The following STAG1 variants were observed in gnomAD, a reference collection of about 807,000 sequenced individuals.
STAG1 encodes the protein STAG1 cohesin complex component, also known as cohesin subunit SA-1.
In STAG1, 26 loss-of-function variants were observed where a neutral mutation model predicts 170.9. The observed-to-expected ratio is 0.15, with a 90% CI of 0.11 to 0.21. The LOEUF is 0.21. STAG1 is among the 10% of genes least tolerant of loss of function. The pLI is 1.00. For synonymous variants in STAG1, 514 were observed against 497.7 expected, an observed-to-expected ratio of 1.03 and a Z score of -0.44; for missense variants, 964 against 1,509.5, an observed-to-expected ratio of 0.64 and a Z score of 5.99.
At chr3:136,724,158 A>G (rs1296533602) in intron 1 of STAG1, among the ~76,000 whole-genome samples, 23 of 150,506 alleles carry the variant, frequency 1.5e-4, no homozygotes, top group African/African-American at 4.9e-4. Context: ...TGTGGAATAG[A>G]GGAGGGGAGA....
chr3:136,366,176 G>C (rs1937067249), intron 25 of STAG1, among the ~76,000 whole-genome samples: 1 of 152,002 alleles, frequency 6.6e-6, no homozygotes, highest in Non-Finnish European at 1.5e-5. Flanking sequence ...TTTAATAGTT[G>C]TGTGTGACCT....
At chr3:136,472,113 A>C (rs957313809) in intron 12 of STAG1, among the ~76,000 whole-genome samples, 2 of 152,216 alleles carry the variant, frequency 1.3e-5, no homozygotes, top group Non-Finnish European at 2.9e-5. Context: ...CTGGGATTTT[A>C]GGCAGGAGCC....
At chr3:136,691,932 A>G (rs1056195702) in intron 1 of STAG1, among the ~76,000 whole-genome samples, 1 of 152,210 alleles carries the variant, frequency 6.6e-6, no homozygotes. Context: ...GTCCTGAGGC[A>G]TAAGTCTAAA....
At chr3:136,370,187 T>C (rs1937254285) in intron 23 of STAG1, among the ~76,000 whole-genome samples, 1 of 152,066 alleles carries the variant, frequency 6.6e-6, no homozygotes, top group African/African-American at 2.4e-5. Flanking sequence ...GGCAGGTCCT[T>C]CAGGAGGTAC....
intron 1 of STAG1, among the ~76,000 whole-genome samples, chr3:136,749,139 G>A (rs1000146663): frequency 2.0e-5 from 3 of 152,138 alleles, no homozygotes; most frequent in South Asian, 2.1e-4. Flanking sequence ...ATATCATTAC[G>A]GTGATTATAT....
intron 6 of STAG1, among the ~76,000 whole-genome samples, chr3:136,524,610 T>G (rs909403545): frequency 1.3e-5 from 2 of 152,220 alleles, no homozygotes; most frequent in Non-Finnish European, 2.9e-5. Context: ...CTGACTGCCC[T>G]GGCCAGAACT....
rs1935919124 is a variant in STAG1 at position 136,340,361 on chromosome 3, A to G, written c.3672+130T>C. The G allele has an allele frequency of 6.7e-6, 4 of 595,266 alleles. No individual in the cohort carries two copies. The South Asian group carries it at 7.7e-5, about 11-fold the overall frequency. The allele number at this position is 595,266 out of a possible 1,614,324, so 36.9% of individuals were successfully genotyped here. A position where few individuals can be genotyped will look rare whatever the true frequency, so the allele number is the denominator to read the frequency against. ...GGTTTCGAACTCCCGACCTCAGGTG[A>G]TCCACCCACCTCAGCCTCCCAAAGT... On this transcript the variant is annotated intron_variant, in intron 32 of 33. Coordinates refer to ENST00000383202, the MANE Select transcript of STAG1 (RefSeq NM_005862.3).
Position 136,568,902 on chromosome 3 carries a change from T to C in STAG1, c.298-41A>G, listed in dbSNP as rs199526215. The C allele has an allele frequency of 5.1e-5, 74 of 1,445,840 alleles. No homozygotes were observed. The Middle Eastern group carries it at 9.6e-4, about 19-fold the overall frequency. 89.6% of individuals were successfully genotyped at this position (1,445,840 alleles called of 1,614,324 possible). A position where few individuals can be genotyped will look rare whatever the true frequency, so the allele number is the denominator to read the frequency against. On this transcript the variant is annotated intron_variant, in intron 4 of 33. Coordinates refer to ENST00000383202, the MANE Select transcript of STAG1 (RefSeq NM_005862.3). ...ATAAAAATGAAAACTTCAAAAAAAT[T>C]TGATATTATAGCAAATAAATTTTCA...
chr3:136,453,274 A>C (rs1008555708), intron 13 of STAG1, among the ~76,000 whole-genome samples: 1 of 152,170 alleles, frequency 6.6e-6, no homozygotes, highest in Non-Finnish European at 1.5e-5. Flanking sequence ...TAATTTGTTT[A>C]GATTTATTCT....
intron 4 of STAG1, chr3:136,586,903 G>C (rs542886393): frequency 2.6e-5 from 12 of 456,570 alleles, no homozygotes; most frequent in Non-Finnish European, 4.4e-5. Flanking sequence ...TTCCAACCAA[G>C]TGAATGCAAA....
chr3:136,719,603 A>G (rs1211280980), intron 1 of STAG1, among the ~76,000 whole-genome samples: 1 of 120,760 alleles, frequency 8.3e-6, no homozygotes, highest in African/African-American at 3.1e-5. Context: ...GGGTGGATGG[A>G]TGGGTGGGTG....
At chr3:136,465,140 T>C (rs553647592) in intron 12 of STAG1, 152 bp from the exon 13 acceptor site, 1 of 543,528 alleles carries the variant, frequency 1.8e-6, no homozygotes, top group East Asian at 3.2e-5. Context: ...GTTTCCCCTT[T>C]AAGTATAAAA....
Position 136,749,520 on chromosome 3 carries a change from G to C in STAG1, c.-84+2675C>G, listed in dbSNP as rs139153572. On this transcript the variant is annotated intron_variant, in intron 1 of 33. Coordinates refer to ENST00000383202, the MANE Select transcript of STAG1 (RefSeq NM_005862.3). ...CCCAGCATTTTGGTAGGCTGAGGTG[G>C]GCAGATCACGAGGTGAAGAGATGGA... Among the ~76,000 whole-genome samples, 139 of 152,228 alleles carry C rather than the reference G, an allele frequency of 9.1e-4. 3 individuals are homozygous for C. The East Asian group carries it at 0.025, about 27-fold the overall frequency.
At chr3:136,363,621 T>C (rs1464491026) in intron 25 of STAG1, among the ~76,000 whole-genome samples, 154 bp from the exon 26 acceptor site, 2 of 152,090 alleles carry the variant, frequency 1.3e-5, no homozygotes, top group South Asian at 2.1e-4. Context: ...AAGTGTTTTA[T>C]TTCTTCATCT....
chr3:136,484,938 C>T (rs1337596595), intron 9 of STAG1, among the ~76,000 whole-genome samples: 7 of 152,048 alleles, frequency 4.6e-5, no homozygotes, highest in South Asian at 2.1e-4. Flanking sequence ...CTTCGGCTCG[C>T]GCACGGTGCG....
chr3:136,348,296 T>G (rs913070304), intron 29 of STAG1, among the ~76,000 whole-genome samples: 83 of 152,098 alleles, frequency 5.5e-4, no homozygotes, highest in Non-Finnish European at 4.3e-4. Context: ...TTTTAGGTTT[T>G]TTTTTTTTTT....
intron 21 of STAG1, among the ~76,000 whole-genome samples, chr3:136,401,601 T>C (rs991189386): frequency 2.0e-5 from 3 of 152,154 alleles, no homozygotes; most frequent in Non-Finnish European, 4.4e-5. Context: ...TTTCTCTAAA[T>C]ACAATGAGGA....
At chr3:136,439,423 C>T in intron 15 of STAG1, among the ~76,000 whole-genome samples, 1 of 143,894 alleles carries the variant, frequency 6.9e-6, no homozygotes, top group African/African-American at 2.6e-5. Flanking sequence ...CACACACACA[C>T]ACACACACAC....
At chr3:136,421,263 G>T in intron 19 of STAG1, 100 bp from the exon 20 acceptor site, 2 of 592,578 alleles carry the variant, frequency 3.4e-6, no homozygotes, top group Non-Finnish European at 2.7e-6. Context: ...TATATTAATA[G>T]TATATATTCA....
Sources: gnomAD v4.1 joint callset for allele counts (sites outside exome capture counted in the v4.1 genomes callset) on GRCh38, gnomAD v4.1.1 for gene constraint, MANE v1.5 for transcripts, NCBI Gene and HGNC (gene_info 2026-07-23, HGNC 2026-07-21) for gene names.